CEP85L: variants seen among roughly 807,000 people sequenced by gnomAD.
CEP85L encodes centrosomal protein of 85 kDa-like.
Under a neutral mutation model 100.3 loss-of-function variants are expected in CEP85L, and 60 were observed. The ratio of observed to expected loss-of-function variants is 0.60; its 90% CI spans 0.49 to 0.74. CEP85L has a LOEUF of 0.74. Ranked by LOEUF, CEP85L falls within the 30% of genes least tolerant of loss-of-function variation. The pLI is 0.00. For synonymous variants in CEP85L, 319 were observed against 322.7 expected (o/e 0.99, Z 0.12); for missense variants, 973 against 936.2 (o/e 1.04, Z -0.51).
At chr6:118,630,093 A>G (rs1299894103) in intron 2 of CEP85L, among the ~76,000 whole-genome samples, 4 of 152,204 alleles carry the variant, frequency 2.6e-5, no homozygotes, top group Non-Finnish European at 5.9e-5. Context: ...CACCTTTTAC[A>G]TATAGAACCT....
chr6:118,480,366 T>C (rs766289786), intron 9 of CEP85L, 30 bp downstream of exon 9: 3 of 1,235,436 alleles, frequency 2.4e-6, no homozygotes, highest in African/African-American at 3.0e-5. Context: ...AGCATAGATT[T>C]CACGTTTATG....
intron 8 of CEP85L, 41 bp downstream of exon 8, chr6:118,481,738 A>G: frequency 8.6e-7 from 1 of 1,166,230 alleles, no homozygotes; most frequent in South Asian, 1.8e-5. Flanking sequence ...TATGAAAAAT[A>G]CGAATAAAAT....
intron 2 of CEP85L, among the ~76,000 whole-genome samples, chr6:118,599,003 T>C (rs1241605302): frequency 1.3e-5 from 2 of 152,214 alleles, no homozygotes. Context: ...TTTGGCTCAA[T>C]ACTAATACTG....
chr6:118,665,968 A>G (rs1287573431), intron 1 of CEP85L, among the ~76,000 whole-genome samples: 1 of 152,020 alleles, frequency 6.6e-6, no homozygotes, highest in African/African-American at 2.4e-5. Context: ...CATCACCCCA[A>G]TTTCTTCACT....
intron 5 of CEP85L, 35 bp from the exon 6 acceptor site, chr6:118,491,900 A>G (rs761715546): frequency 3.3e-6 from 5 of 1,522,516 alleles, no homozygotes; most frequent in Non-Finnish European, 4.4e-6. Flanking sequence ...TAAGACTTTA[A>G]AAGTTTGTCT....
At chr6:118,507,032 G>A (rs907477609) in intron 5 of CEP85L, among the ~76,000 whole-genome samples, 7 of 151,874 alleles carry the variant, frequency 4.6e-5, no homozygotes, top group Non-Finnish European at 5.9e-5. Flanking sequence ...CATGCCCAAG[G>A]CTTTAATAAC....
intron 5 of CEP85L, chr6:118,502,696 C>A: frequency 2.2e-6 from 1 of 456,716 alleles, no homozygotes; most frequent in Non-Finnish European, 4.1e-6. Context: ...CTGACCCCTT[C>A]CCAATATGAT....
In CEP85L at chr6:118,511,354, G is replaced by A; in HGVS notation, c.1201C>T (p.His401Tyr). ...RIRDNELRAQHAMLGHYVNCE... is the reference protein window; with the variant it reads ...RIRDNELRAQYAMLGHYVNCE... ...TTTACATAATGTCCTAACATGGCATGTTGAGCCCGTAATTCATTATCCCTT... is the reference window on the plus strand; with the variant it reads ...TTTACATAATGTCCTAACATGGCATATTGAGCCCGTAATTCATTATCCCTT... Residue 401 changes from histidine (H) to tyrosine (Y), a missense_variant, in exon 5 of 13, where the codon CAT becomes TAT. Coordinates refer to ENST00000368491, the MANE Select transcript of CEP85L (RefSeq NM_001042475.3). The A allele has an allele frequency of 1.2e-6, 2 of 1,613,208 alleles. No homozygotes were observed. The highest frequency in any genetic ancestry group is 1.7e-6 in the Non-Finnish European group (2 of 1,179,472).
chr6:118,536,809 T>C (rs1777622325), intron 3 of CEP85L, among the ~76,000 whole-genome samples: 2 of 152,190 alleles, frequency 1.3e-5, no homozygotes, highest in Admixed American at 1.3e-4. Context: ...AGCCTTCTAT[T>C]AAGGCAGAAG....
intron 2 of CEP85L, among the ~76,000 whole-genome samples, chr6:118,586,810 T>TTAC (rs1780889473): frequency 6.6e-6 from 1 of 152,214 alleles, no homozygotes; most frequent in Non-Finnish European, 1.5e-5. Context: ...TGGAAATTAT[T>TTAC]TACTACTCCA....
At chr6:118,597,528 C>T (rs1045733026) in intron 2 of CEP85L, among the ~76,000 whole-genome samples, 2 of 152,194 alleles carry the variant, frequency 1.3e-5, no homozygotes, top group Non-Finnish European at 2.9e-5. Flanking sequence ...AAATCATACT[C>T]TCCCATCTCT....
At chr6:118,500,286 C>T (rs1235852531) in intron 5 of CEP85L, among the ~76,000 whole-genome samples, 1 of 152,060 alleles carries the variant, frequency 6.6e-6, no homozygotes, top group African/African-American at 2.4e-5. Flanking sequence ...CCAAAGGGAC[C>T]GTGACCAACT....
intron 1 of CEP85L, among the ~76,000 whole-genome samples, chr6:118,691,795 C>T (rs906584097): frequency 6.6e-6 from 1 of 151,922 alleles, no homozygotes; most frequent in Admixed American, 6.5e-5. Flanking sequence ...TGCTCAGCCA[C>T]ACCTGAAGCA....
intron 3 of CEP85L, 99 bp from the exon 4 acceptor site, chr6:118,524,019 A>C: frequency 2.1e-6 from 1 of 482,882 alleles, no homozygotes; most frequent in Non-Finnish European, 3.5e-6. Context: ...AAAAAAAAGA[A>C]CTCCCTCTTT....
chr6:118,470,665 G>A, intron 10 of CEP85L, 21 bp from the exon 11 acceptor site: 1 of 1,440,488 alleles, frequency 6.9e-7, no homozygotes, highest in Non-Finnish European at 9.6e-7. Flanking sequence ...TAAAAAAATT[G>A]GAAAGCAAAA....
intron 6 of CEP85L, among the ~76,000 whole-genome samples, chr6:118,490,842 T>G (rs577878126): frequency 2.0e-5 from 3 of 152,180 alleles, no homozygotes; most frequent in African/African-American, 7.2e-5. Flanking sequence ...GTAATTTCAT[T>G]AATATGAAGT....
chr6:118,634,690 C>G (rs1386302758), intron 1 of CEP85L, among the ~76,000 whole-genome samples: 1 of 151,792 alleles, frequency 6.6e-6, no homozygotes, highest in Non-Finnish European at 1.5e-5. Flanking sequence ...CAGATCTATT[C>G]TAATTCTGAT....
intron 5 of CEP85L, among the ~76,000 whole-genome samples, chr6:118,498,614 A>T (rs1263009046): frequency 8.4e-6 from 1 of 119,700 alleles, no homozygotes; most frequent in Non-Finnish European, 1.8e-5. Flanking sequence ...AAAAAAAAAT[A>T]GAGAGAGAGA....
At chr6:118,689,483 A>G (rs978469285) in intron 1 of CEP85L, among the ~76,000 whole-genome samples, 16 of 152,222 alleles carry the variant, frequency 1.1e-4, no homozygotes, top group African/African-American at 3.6e-4. Context: ...GAGATGGGGA[A>G]TTCTTTTTAC....
Sources: gnomAD v4.1 joint callset for allele counts (sites outside exome capture counted in the v4.1 genomes callset) on GRCh38, gnomAD v4.1.1 for gene constraint, MANE v1.5 for transcripts, NCBI Gene and HGNC (gene_info 2026-07-23, HGNC 2026-07-21) for gene names.